The following IGFL2 variants were observed in gnomAD, a reference collection of about 807,000 sequenced individuals.
IGFL2 encodes insulin growth factor-like family member 2.
Under a neutral mutation model 13.9 loss-of-function variants are expected in IGFL2, and 7 were observed. The ratio of observed to expected loss-of-function variants is 0.51; its 90% CI spans 0.29 to 0.95. IGFL2 has a LOEUF of 0.95. Ranked by LOEUF, IGFL2 falls within the 40% of genes least tolerant of loss-of-function variation. IGFL2 has a pLI of 0.08. For missense variants in IGFL2, 138 were observed against 147.8 expected (o/e 0.93, Z 0.34); for synonymous variants, 55 against 55.8 (o/e 0.99, Z 0.07).
At chr19:46,109,543 C>T in the IGFL2 span, among the ~76,000 whole-genome samples, 40 of 152,110 alleles carry the variant, frequency 2.6e-4, no homozygotes, top group Admixed American at 2.6e-3. Context: ...GTCTCAATCT[C>T]CTGACCTCGT....
chr19:46,161,513 T>C (rs1364533603), downstream of IGFL2, among the ~76,000 whole-genome samples: 1 of 152,196 alleles, frequency 6.6e-6, no homozygotes, highest in African/African-American at 2.4e-5. Flanking sequence ...TGCTTCTCTG[T>C]TGGTTGCAAA....
chr19:46,146,080 C>T (rs971888793), upstream of IGFL2, among the ~76,000 whole-genome samples: 1 of 151,846 alleles, frequency 6.6e-6, no homozygotes, highest in African/African-American at 2.4e-5. Flanking sequence ...CCTTGAAATA[C>T]GTAGTTTTAC....
chr19:46,108,703 C>T, the IGFL2 span, among the ~76,000 whole-genome samples: 49 of 151,928 alleles, frequency 3.2e-4, no homozygotes, highest in South Asian at 9.0e-3. Context: ...CAGGCATCCC[C>T]GCAGTGATCA....
upstream of IGFL2, among the ~76,000 whole-genome samples, chr19:46,146,830 C>T (rs113579748): frequency 0.029 from 4,456 of 152,250 alleles, 201 homozygotes; most frequent in African/African-American, 0.097. Flanking sequence ...CAGAACTCTT[C>T]TACTAACAAT....
the IGFL2 span, among the ~76,000 whole-genome samples, chr19:46,194,858 T>G: frequency 1.5e-5 from 1 of 67,140 alleles, no homozygotes. Context: ...ATATATTTTT[T>G]TTTTTTTTTT....
At chr19:46,153,233 G>T (rs764469524) in intron 1 of IGFL2, among the ~76,000 whole-genome samples, 2 of 152,100 alleles carry the variant, frequency 1.3e-5, no homozygotes, top group African/African-American at 4.8e-5. Context: ...GTGAATGATT[G>T]GTATTAAGCC....
the IGFL2 span, among the ~76,000 whole-genome samples, chr19:46,131,510 A>T: frequency 6.6e-6 from 1 of 152,238 alleles, no homozygotes; most frequent in Admixed American, 6.5e-5. Flanking sequence ...GAGCATTCTA[A>T]TGTTTTAATA....
At chr19:46,080,397 TA>T in the IGFL2 span, among the ~76,000 whole-genome samples, 2 of 150,898 alleles carry the variant, frequency 1.3e-5, no homozygotes, top group African/African-American at 4.9e-5. Context: ...TTTTTTAAAA[TA>T]AAAAAAAGAA....
rs1600895756 is a variant in IGFL2 at position 46,148,767 on chromosome 19, G to A, written c.19+470G>A. Reference sequence around the variant, plus strand: ...AAGGAGGGAGGATTATAGCACTGTGGATAGGGTTGGGGGCTCCCAGAGGTC... The same window carrying A: ...AAGGAGGGAGGATTATAGCACTGTGAATAGGGTTGGGGGCTCCCAGAGGTC... On this transcript the variant is annotated intron_variant, in intron 1 of 3. Transcript: ENST00000377693. 3 of 1,098,360 alleles carry A rather than the reference G, an allele frequency of 2.7e-6. No homozygotes were observed. The East Asian group carries it at 7.9e-5, about 29-fold the overall frequency. The allele number at this position is 1,098,360 out of a possible 1,614,324, so 68.0% of individuals were successfully genotyped here. A position where few individuals can be genotyped will look rare whatever the true frequency, so the allele number is the denominator to read the frequency against.
the IGFL2 span, chr19:46,136,834 T>G: frequency 4.0e-5 from 28 of 704,416 alleles, 1 homozygote; most frequent in South Asian, 3.0e-4. Flanking sequence ...AAGTCCTGGT[T>G]GAGATCCATT....
At position 46,160,739 on chromosome 19, in the gene IGFL2, G is replaced by GGTCCCC; in HGVS notation, c.200_205dup (p.Pro68_Pro69insArgPro). ...GTCCCTGAGCGAGACCCGCCAATGT[G>GGTCCCC]GTCCCCCCTGCACCTTCTGGCCCTG... On this transcript the variant is annotated inframe_insertion, in exon 3 of 4. Coordinates refer to ENST00000377693, the MANE Select transcript of IGFL2 (RefSeq NM_001135113.2). 1.2e-6 allele frequency: 2 copies of GGTCCCC among 1,614,160 alleles called. No individual in the cohort carries two copies. The highest frequency in any genetic ancestry group is 2.2e-5 in the South Asian group (2 of 91,078).
chr19:46,213,548 G>C, the IGFL2 span: 1 of 156,170 alleles, frequency 6.4e-6, no homozygotes, highest in Middle Eastern at 2.8e-3. Flanking sequence ...ACCAGGGCTC[G>C]CTCCCCACCC....
chr19:46,128,955 CTG>C, the IGFL2 span, among the ~76,000 whole-genome samples: 27 of 152,264 alleles, frequency 1.8e-4, no homozygotes, highest in South Asian at 4.1e-3. Context: ...TAGAATTCAA[CTG>C]TGAATCCATC....
At chr19:46,086,182 T>C in the IGFL2 span, among the ~76,000 whole-genome samples, 1 of 152,176 alleles carries the variant, frequency 6.6e-6, no homozygotes, top group African/African-American at 2.4e-5. Context: ...TAATGATACC[T>C]ATCTCTTTGG....
the IGFL2 span, among the ~76,000 whole-genome samples, chr19:46,188,457 G>T: frequency 6.6e-6 from 1 of 152,126 alleles, no homozygotes; most frequent in African/African-American, 2.4e-5. Context: ...ATTATAATTT[G>T]TGTGGACCAA....
the IGFL2 span, chr19:46,124,392 A>G: frequency 1.2e-5 from 18 of 1,469,562 alleles, no homozygotes; most frequent in Non-Finnish European, 1.7e-5. Context: ...CAAACAAACA[A>G]ACAAACAGAG....
the IGFL2 span, among the ~76,000 whole-genome samples, chr19:46,175,256 A>G: frequency 6.6e-6 from 1 of 152,180 alleles, no homozygotes; most frequent in African/African-American, 2.4e-5. Context: ...GTTAATACTA[A>G]TTCCTATTTC....
the IGFL2 span, among the ~76,000 whole-genome samples, chr19:46,194,830 TTA>T: frequency 0.012 from 577 of 46,760 alleles, 29 homozygotes; most frequent in South Asian, 0.028. Context: ...CTTCCTCATT[TTA>T]TATATATATA....
chr19:46,149,826 G>C (rs1973375514), intron 1 of IGFL2, among the ~76,000 whole-genome samples: 1 of 152,154 alleles, frequency 6.6e-6, no homozygotes, highest in South Asian at 2.1e-4. Context: ...TGTGAATAGT[G>C]CTGTTACAAA....
Sources: gnomAD v4.1 joint callset for allele counts (sites outside exome capture counted in the v4.1 genomes callset) on GRCh38, gnomAD v4.1.1 for gene constraint, MANE v1.5 for transcripts, NCBI Gene and HGNC (gene_info 2026-07-23, HGNC 2026-07-21) for gene names.